The following GRM7 variants were observed in gnomAD, a reference collection of about 807,000 sequenced individuals.
The protein encoded by GRM7 is glutamate metabotropic receptor 7.
GRM7 carries 35 observed loss-of-function variants against 84.5 expected under a neutral mutation model. The ratio of observed to expected loss-of-function variants is 0.41; its 90% CI spans 0.32 to 0.55. The LOEUF (loss-of-function observed/expected upper bound fraction) is 0.55, where lower values mean the gene tolerates loss of function less well. Ranked by LOEUF, GRM7 falls within the 20% of genes least tolerant of loss-of-function variation. The probability of loss-of-function intolerance (pLI) is 0.19; values close to 1 mark genes in which losing one functional copy is unlikely to be tolerated. For missense variants in GRM7, 1,003 were observed against 1,194.6 expected (o/e 0.84, Z 2.36); for synonymous variants, 487 against 455.1 (o/e 1.07, Z -0.89).
At chr3:7,594,964 G>A (rs1695969860) in intron 8 of GRM7, among the ~76,000 whole-genome samples, 1 of 151,750 alleles carries the variant, frequency 6.6e-6, no homozygotes, top group South Asian at 2.1e-4. Flanking sequence ...GTGTGTGTTT[G>A]TACATGTGTA....
At chr3:6,951,474 C>T (rs903840119) in intron 1 of GRM7, among the ~76,000 whole-genome samples, 1 of 151,990 alleles carries the variant, frequency 6.6e-6, no homozygotes, top group Non-Finnish European at 1.5e-5. Flanking sequence ...CAAATACTGA[C>T]GTGTTGTGTT....
At chr3:7,333,346 C>T (rs558916897) in intron 4 of GRM7, among the ~76,000 whole-genome samples, 7 of 152,278 alleles carry the variant, frequency 4.6e-5, no homozygotes, top group Non-Finnish European at 8.8e-5. Flanking sequence ...AGCCCAGAGC[C>T]CGGTAGCCCC....
chr3:7,178,793 A>T (rs940500044), intron 2 of GRM7, among the ~76,000 whole-genome samples: 12 of 152,042 alleles, frequency 7.9e-5, no homozygotes, highest in African/African-American at 2.7e-4. Flanking sequence ...GAAAAAAAAA[A>T]TGTTAGGCTG....
Position 7,599,485 on chromosome 3 carries a change from G to A in GRM7, c.2451+20128G>A, listed in dbSNP as rs189888822. Among the ~76,000 whole-genome samples, 19 of 152,190 alleles carry A rather than the reference G, an allele frequency of 1.2e-4. No individual in the cohort carries two copies. The East Asian group carries it at 3.7e-3, about 29-fold the overall frequency. On this transcript the variant is annotated intron_variant, in intron 8 of 9. Transcript: ENST00000357716. The stretch of plus-strand genomic sequence containing the variant: ...CTAGTCCTCAAAACATTTGTATTCA[G>A]TTTTCACATTAACACCTGGGATGTG...
intron 1 of GRM7, among the ~76,000 whole-genome samples, chr3:7,135,463 T>C (rs947517436): frequency 2.6e-5 from 4 of 152,208 alleles, no homozygotes; most frequent in Admixed American, 2.6e-4. Context: ...AAAATTCGCC[T>C]TTTACAAGTT....
At position 7,485,458 on chromosome 3, in the gene GRM7, T is replaced by G. The variant is rs1699285718; in HGVS notation, c.1515+23736T>G. On this transcript the variant is annotated intron_variant, in intron 7 of 9. Transcript: ENST00000357716. The stretch of plus-strand genomic sequence containing the variant: ...GGTTGAGGGACCTCATCAGTTCTAA[T>G]ACCACAAGTCCCTAAGTTTCTGGGA... Among the ~76,000 whole-genome samples the G allele has an allele frequency of 2.0e-5, 3 of 152,348 alleles. 1 individual carries two copies. The highest frequency in any genetic ancestry group is 4.4e-5 in the Non-Finnish European group (3 of 68,034).
chr3:7,095,551 A>T (rs1035007952), intron 1 of GRM7, among the ~76,000 whole-genome samples: 1 of 152,156 alleles, frequency 6.6e-6, no homozygotes, highest in Non-Finnish European at 1.5e-5. Flanking sequence ...TTAGGACCAC[A>T]TTCTTTCCCA....
chr3:7,306,052 T>G (rs1176354475), intron 3 of GRM7, among the ~76,000 whole-genome samples: 1 of 152,214 alleles, frequency 6.6e-6, no homozygotes. Context: ...TTAACATCTT[T>G]AATTCATAAT....
intron 1 of GRM7, among the ~76,000 whole-genome samples, chr3:7,105,519 A>C: frequency 6.6e-6 from 1 of 151,944 alleles, no homozygotes; most frequent in South Asian, 2.1e-4. Flanking sequence ...TCAGACATCT[A>C]CGGTGCTGGG....
At chr3:7,601,713 T>C (rs1324756927) in intron 8 of GRM7, among the ~76,000 whole-genome samples, 1 of 152,070 alleles carries the variant, frequency 6.6e-6, no homozygotes, top group South Asian at 2.1e-4. Flanking sequence ...CCAGGAGTCA[T>C]CAAGAATTCA....
chr3:6,967,259 G>T (rs1253425091), intron 1 of GRM7, among the ~76,000 whole-genome samples: 1 of 152,086 alleles, frequency 6.6e-6, no homozygotes, highest in African/African-American at 2.4e-5. Context: ...CACAATCACA[G>T]CTCACTCACT....
chr3:7,190,659 A>G (rs1041697408), intron 2 of GRM7, among the ~76,000 whole-genome samples: 1 of 152,114 alleles, frequency 6.6e-6, no homozygotes, highest in African/African-American at 2.4e-5. Context: ...TTTTGCAAGC[A>G]CATTACTGTT....
intron 9 of GRM7, 58 bp from the exon 10 acceptor site, chr3:7,740,299 T>C: frequency 1.8e-6 from 2 of 1,116,514 alleles, no homozygotes; most frequent in South Asian, 1.3e-5. Flanking sequence ...CTAATTCTAT[T>C]TCTACCTTTG....
intron 1 of GRM7, among the ~76,000 whole-genome samples, chr3:6,959,504 C>T (rs1693209262): frequency 6.6e-6 from 1 of 152,008 alleles, no homozygotes; most frequent in Non-Finnish European, 1.5e-5. Context: ...AATTACATTA[C>T]CCTTTGTGAT....
intron 4 of GRM7, among the ~76,000 whole-genome samples, chr3:7,307,643 T>C (rs1318602825): frequency 6.6e-6 from 1 of 152,236 alleles, no homozygotes; most frequent in Admixed American, 6.5e-5. Context: ...GAGTCACCCA[T>C]GTTTTCACTG....
chr3:7,364,609 A>G (rs1400334860), intron 4 of GRM7, among the ~76,000 whole-genome samples: 1 of 151,668 alleles, frequency 6.6e-6, no homozygotes, highest in Non-Finnish European at 1.5e-5. Context: ...TTCTTCTACC[A>G]GGAAATATAC....
At chr3:7,126,411 C>T (rs535372476) in intron 1 of GRM7, among the ~76,000 whole-genome samples, 11 of 152,244 alleles carry the variant, frequency 7.2e-5, no homozygotes, top group East Asian at 5.8e-4. Flanking sequence ...TGTTAATTGC[C>T]GTGCTCCAGA....
At chr3:7,237,751 C>G (rs1697398861) in intron 2 of GRM7, among the ~76,000 whole-genome samples, 1 of 152,128 alleles carries the variant, frequency 6.6e-6, no homozygotes, top group South Asian at 2.1e-4. Flanking sequence ...AGTGGGTTGC[C>G]ACTGCTGGCT....
At chr3:7,296,781 T>C (rs1203052000) in intron 2 of GRM7, among the ~76,000 whole-genome samples, 1 of 151,804 alleles carries the variant, frequency 6.6e-6, no homozygotes, top group Non-Finnish European at 1.5e-5. Context: ...CTACATTTCA[T>C]ATATATCAAT....
Sources: gnomAD v4.1 joint callset for allele counts (sites outside exome capture counted in the v4.1 genomes callset) on GRCh38, gnomAD v4.1.1 for gene constraint, MANE v1.5 for transcripts, NCBI Gene and HGNC (gene_info 2026-07-23, HGNC 2026-07-21) for gene names.